NECTIN3: variants seen among roughly 807,000 people sequenced by gnomAD.
NECTIN3 encodes nectin cell adhesion molecule 3, also known as nectin-3.
A neutral mutation model predicts 49.4 loss-of-function variants in NECTIN3; 8 were observed. The observed-to-expected ratio is 0.16, with a 90% CI of 0.10 to 0.29. The LOEUF (loss-of-function observed/expected upper bound fraction) is 0.29. NECTIN3 is among the 10% of genes least tolerant of loss of function. NECTIN3 has a pLI of 1.00. For missense variants in NECTIN3, 581 were observed against 654.6 expected (o/e 0.89, Z 1.23); for synonymous variants, 277 against 241.1 (o/e 1.15, Z -1.38).
At chr3:111,146,837 T>C (rs570020100) in intron 6 of NECTIN3, among the ~76,000 whole-genome samples, 3 of 152,284 alleles carry the variant, frequency 2.0e-5, no homozygotes, top group Non-Finnish European at 4.4e-5. Flanking sequence ...TATGAAAATG[T>C]TGATTTTCTG....
chr3:111,134,071 T>G lies in NECTIN3; in HGVS notation c.1506T>G (p.Asn502Lys). Residue 502 changes from asparagine (N) to lysine (K), a missense_variant, in exon 6 of 6, where the codon AAT (asparagine) becomes AAG (lysine). Physicochemically the swap from Asn to Lys is moderately conservative, Grantham distance 94. Around this residue, in one of 3 missense-constraint regions of NECTIN3, gnomAD observed 238 missense variants for 244.9 expected, o/e 0.97. Transcript: ENST00000485303. ...AGTGGAACAATGTAGAAAATCTCAA[T>G]AGGTTTGAAAGACCAATGGATTATT... The part of the protein sequence containing the change: ...KTQWNNVENL[N>K]RFERPMDYYE... The G allele has an allele frequency of 6.2e-7, 1 of 1,613,630 alleles. No individual in the cohort carries two copies. The highest frequency in any genetic ancestry group is 8.5e-7 in the Non-Finnish European group (1 of 1,179,690).
At chr3:111,082,675 C>T (rs1559765785) in intron 1 of NECTIN3, among the ~76,000 whole-genome samples, 1 of 152,118 alleles carries the variant, frequency 6.6e-6, no homozygotes. Context: ...AGACAGTTTT[C>T]CCATGGCCTG....
chr3:111,140,333 A>G (rs1263462236), downstream of NECTIN3, among the ~76,000 whole-genome samples: 4 of 151,482 alleles, frequency 2.6e-5, no homozygotes, highest in African/African-American at 9.7e-5. Context: ...AATATATTTT[A>G]ACTGGTCTGC....
intron 7 of NECTIN3, among the ~76,000 whole-genome samples, chr3:111,149,349 T>G (rs1408435799): frequency 6.6e-6 from 1 of 152,064 alleles, no homozygotes; most frequent in Non-Finnish European, 1.5e-5. Context: ...CCTTCCCAGA[T>G]TCCATAAAAA....
intron 1 of NECTIN3, among the ~76,000 whole-genome samples, chr3:111,098,270 A>G (rs1173944228): frequency 6.6e-6 from 1 of 151,946 alleles, no homozygotes; most frequent in Non-Finnish European, 1.5e-5. Context: ...TTAGTGCAAT[A>G]CTCTCTTATA....
At chr3:111,072,355 A>C in intron 1 of NECTIN3, 178 bp downstream of exon 1, 4 of 1,470,106 alleles carry the variant, frequency 2.7e-6, no homozygotes, top group Non-Finnish European at 3.6e-6. Context: ...TGGAAGGGCC[A>C]GGCCAGCGAA....
upstream of NECTIN3, among the ~76,000 whole-genome samples, chr3:111,191,450 G>A (rs1268675970): frequency 2.0e-5 from 3 of 152,136 alleles, no homozygotes; most frequent in South Asian, 2.1e-4. Flanking sequence ...ATCTCTGCTC[G>A]AGGGTGTTGT....
At position 111,071,957 on chromosome 3, in the gene NECTIN3, G is replaced by A. The variant is rs1057003912; in HGVS notation, c.-61G>A. 7.8e-7 allele frequency: 1 copy of A among 1,275,392 alleles called. No individual in the cohort carries two copies. The highest frequency in any genetic ancestry group is 1.6e-5 in the African/African-American group (1 of 62,814). 79.0% of individuals were successfully genotyped at this position (1,275,392 alleles called of 1,614,324 possible). A position where few individuals can be genotyped will look rare whatever the true frequency, so the allele number is the denominator to read the frequency against. On this transcript the variant is annotated 5_prime_UTR_variant, in exon 1 of 6. Transcript: ENST00000485303. Reference sequence around the variant, plus strand: ...TCCACAGCCTCCGCCCAGAGCCTGAGGCGCCGGGGCCGGGGGAGCCGGGGG... The same window carrying A: ...TCCACAGCCTCCGCCCAGAGCCTGAAGCGCCGGGGCCGGGGGAGCCGGGGG...
Position 111,164,862 on chromosome 3 carries a change from T to G in NECTIN3, c.1221+17378T>G, listed in dbSNP as rs1320452811. On this transcript the variant is annotated intron_variant, in intron 7 of 8. Coordinates refer to the NECTIN3 transcript ENST00000493615. ...CAGGATTAGAATTTAGACATAACTT[T>G]TTTGAGGACACAGTTCAACACACAC... Among the ~76,000 whole-genome samples, 4 of 152,230 alleles carry G rather than the reference T, an allele frequency of 2.6e-5. No homozygotes were observed. In the East Asian group the frequency reaches 5.8e-4, roughly 22 times the overall value.
intron 5 of NECTIN3, among the ~76,000 whole-genome samples, chr3:111,132,757 T>C (rs1167310743): frequency 6.6e-6 from 1 of 151,938 alleles, no homozygotes; most frequent in East Asian, 1.9e-4. Flanking sequence ...AGCTGTTCTT[T>C]TTGAGACTCC....
chr3:111,161,709 G>T (rs2035215634), intron 7 of NECTIN3, among the ~76,000 whole-genome samples: 2 of 152,146 alleles, frequency 1.3e-5, no homozygotes, highest in Admixed American at 1.3e-4. Context: ...CCTGCTCCAT[G>T]GAAAAAATCG....
chr3:111,160,426 C>T (rs913818188), intron 7 of NECTIN3, among the ~76,000 whole-genome samples: 6 of 151,982 alleles, frequency 3.9e-5, no homozygotes, highest in Non-Finnish European at 1.5e-5. Context: ...GTGCCCTGAA[C>T]TGATGTGAAA....
chr3:111,148,204 C>T lies in NECTIN3; in HGVS notation c.1221+720C>T, dbSNP rs142412233. ...CTAAAATATGTCCTGTATCTTCAGC[C>T]TGAATAAGGCAAATCATTAGCCCAT... On this transcript the variant is annotated intron_variant, in intron 7 of 8. Coordinates refer to the NECTIN3 transcript ENST00000493615. 6.0e-3 allele frequency among the ~76,000 whole-genome samples: 911 copies of T among 152,310 alleles called. 7 individuals are homozygous for T. Among genetic ancestry groups the T allele is most frequent in the African/African-American group, 0.021 (852 of 41,554 alleles).
intron 1 of NECTIN3, among the ~76,000 whole-genome samples, chr3:111,089,778 G>C (rs549150869): frequency 1.3e-5 from 2 of 151,956 alleles, no homozygotes; most frequent in African/African-American, 4.8e-5. Context: ...GAGTTAGATC[G>C]AGTTGGTTGC....
In NECTIN3 at chr3:111,134,738, T is replaced by C. The variant is rs2034518882; in HGVS notation, c.*523T>C. ...ATTTAGCCTGATGGAATGGCTTTCC[T>C]TTTCAAACATTATTTTCTAAGTTTC... is the stretch of plus-strand genomic sequence containing the variant. On this transcript the variant is annotated 3_prime_UTR_variant, in exon 6 of 6. Transcript: ENST00000485303. The C allele has an allele frequency of 1.1e-6, 1 of 932,944 alleles. No individual in the cohort carries two copies. Among genetic ancestry groups the C allele is most frequent in the African/African-American group, 1.8e-5 (1 of 56,066 alleles). The allele number at this position is 932,944 out of a possible 1,614,324, so 57.8% of individuals were successfully genotyped here.
intron 1 of NECTIN3, among the ~76,000 whole-genome samples, chr3:111,094,605 GC>G (rs141721613): frequency 0.023 from 3,503 of 152,294 alleles, 58 homozygotes; most frequent in Non-Finnish European, 0.034. Context: ...CAGCAGTGGG[GC>G]CTGAGGCGAA....
intron 1 of NECTIN3, 125 bp from the exon 2 acceptor site, chr3:111,111,905 G>GTGTGTGTGCA (rs1213939807): frequency 3.0e-4 from 3 of 10,018 alleles, no homozygotes; most frequent in Non-Finnish European, 1.3e-3. Flanking sequence ...GTGCATGTGT[G>GTGTGTGTGCA]TGTGTGTGTG....
chr3:111,159,785 C>A (rs1030775862), intron 7 of NECTIN3, among the ~76,000 whole-genome samples: 3 of 152,188 alleles, frequency 2.0e-5, no homozygotes, highest in Admixed American at 1.3e-4. Context: ...AATTAGAAAT[C>A]TACCTTCCTT....
chr3:111,076,657 A>C (rs2031221528), intron 1 of NECTIN3, among the ~76,000 whole-genome samples: 1 of 152,142 alleles, frequency 6.6e-6, no homozygotes, highest in Non-Finnish European at 1.5e-5. Context: ...ACTCTGATAT[A>C]GTTTAATCAT....
Sources: gnomAD v4.1 joint callset for allele counts (sites outside exome capture counted in the v4.1 genomes callset) on GRCh38, gnomAD v4.1.1 for gene constraint, gnomAD v4.1.1 regional missense constraint, MANE v1.5 for transcripts, NCBI Gene and HGNC (gene_info 2026-07-23, HGNC 2026-07-21) for gene names.